Variants in KLHL18 observed in about 807,000 individuals in gnomAD.
KLHL18 encodes the protein kelch-like protein 18.
KLHL18 carries 38 observed loss-of-function variants against 58.5 expected under a neutral mutation model. That is an observed-to-expected ratio of 0.65 (90% CI 0.50 to 0.85). The LOEUF (loss-of-function observed/expected upper bound fraction) is 0.85, where lower values mean the gene tolerates loss of function less well. KLHL18 is among the 40% of genes least tolerant of loss of function. KLHL18 has a pLI of 0.00. For missense variants in KLHL18, 624 were observed against 778.4 expected (o/e 0.80, Z 2.36); for synonymous variants, 303 against 301.9 (o/e 1.00, Z -0.04).
intron 1 of KLHL18, among the ~76,000 whole-genome samples, chr3:47,287,777 G>A (rs139140885): frequency 1.3e-5 from 2 of 152,036 alleles, no homozygotes; most frequent in South Asian, 2.1e-4. Flanking sequence ...CAGCCACCAC[G>A]CCCGGCCAGT....
intron 1 of KLHL18, among the ~76,000 whole-genome samples, chr3:47,293,632 G>A (rs1370929709): frequency 2.0e-5 from 3 of 152,214 alleles, no homozygotes; most frequent in Non-Finnish European, 4.4e-5. Flanking sequence ...TAAATGTCGT[G>A]TAACCTTGAC....
At chr3:47,298,202 A>G (rs1206901725) in intron 1 of KLHL18, among the ~76,000 whole-genome samples, 2 of 152,032 alleles carry the variant, frequency 1.3e-5, no homozygotes, top group African/African-American at 4.8e-5. Context: ...CAACAAAGTG[A>G]GACCCCATCT....
intron 7 of KLHL18, among the ~76,000 whole-genome samples, chr3:47,340,194 CT>C (rs2107663227): frequency 6.6e-6 from 1 of 152,288 alleles, no homozygotes; most frequent in Admixed American, 6.5e-5. Flanking sequence ...ATTGTAACAA[CT>C]GCTGATTAAT....
chr3:47,331,106 G>A (rs1188815039), intron 4 of KLHL18, among the ~76,000 whole-genome samples: 1 of 151,988 alleles, frequency 6.6e-6, no homozygotes, highest in African/African-American at 2.4e-5. Context: ...GGAGGGGTCT[G>A]TGAAATCAAG....
chr3:47,326,447 G>A lies in KLHL18; in HGVS notation c.402-3504G>A, dbSNP rs144927781. ...GGTTGTGATGTGGCTAATGAAAGAC[G>A]TGGGTCTCCATCAACCCTGTAGCTG... On this transcript the variant is annotated intron_variant, in intron 3 of 9. Transcript: ENST00000232766. 8.5e-3 allele frequency among the ~76,000 whole-genome samples: 1,295 copies of A among 152,308 alleles called. 9 individuals are homozygous for A. The highest frequency in any genetic ancestry group is 0.034 in the Middle Eastern group (10 of 294).
intron 1 of KLHL18, among the ~76,000 whole-genome samples, chr3:47,289,587 T>C (rs1702747764): frequency 6.6e-6 from 1 of 152,154 alleles, no homozygotes; most frequent in African/African-American, 2.4e-5. Flanking sequence ...TACAGTGAGT[T>C]ACACAGGGTT....
chr3:47,310,114 C>A (rs952855203), intron 1 of KLHL18, among the ~76,000 whole-genome samples: 31 of 152,186 alleles, frequency 2.0e-4, no homozygotes, highest in African/African-American at 7.5e-4. Flanking sequence ...CTGGGTATAT[C>A]TTTTACTTTC....
intron 1 of KLHL18, among the ~76,000 whole-genome samples, chr3:47,314,479 T>C (rs1030610549): frequency 2.1e-5 from 3 of 142,122 alleles, no homozygotes; most frequent in Non-Finnish European, 4.7e-5. Flanking sequence ...CTTACGCTTA[T>C]TTGTTTTTTG....
At chr3:47,309,969 G>T (rs571169366) in intron 1 of KLHL18, among the ~76,000 whole-genome samples, 2 of 150,988 alleles carry the variant, frequency 1.3e-5, no homozygotes, top group Admixed American at 1.3e-4. Flanking sequence ...CGGCATCAGA[G>T]GGAGACCGTG....
intron 4 of KLHL18, among the ~76,000 whole-genome samples, chr3:47,331,463 C>T (rs527565878): frequency 2.9e-4 from 32 of 110,504 alleles, no homozygotes; most frequent in Non-Finnish European, 4.9e-4. Context: ...GACAGAGTCT[C>T]ACTCTGTCAC....
chr3:47,293,507 G>A (rs1377413862), intron 1 of KLHL18, among the ~76,000 whole-genome samples: 2 of 152,158 alleles, frequency 1.3e-5, no homozygotes, highest in East Asian at 3.8e-4. Context: ...TATTAGTTCA[G>A]CCCTGTAGCT....
chr3:47,321,333 T>G (rs1244552303), intron 2 of KLHL18, among the ~76,000 whole-genome samples: 7 of 150,886 alleles, frequency 4.6e-5, no homozygotes, highest in East Asian at 1.9e-4. Flanking sequence ...GTTTTTTTTT[T>G]TTGTTTTGTT....
At chr3:47,325,355 G>A (rs1219233876) in intron 3 of KLHL18, among the ~76,000 whole-genome samples, 2 of 151,932 alleles carry the variant, frequency 1.3e-5, no homozygotes, top group African/African-American at 2.4e-5. Context: ...CTGCCACCAC[G>A]CCTGGCTAAT....
At chr3:47,325,991 A>G (rs1703710500) in intron 3 of KLHL18, among the ~76,000 whole-genome samples, 1 of 151,820 alleles carries the variant, frequency 6.6e-6, no homozygotes, top group Admixed American at 6.6e-5. Context: ...TCTGTCGCCC[A>G]GGCAGGAATG....
intron 1 of KLHL18, among the ~76,000 whole-genome samples, chr3:47,313,249 AC>A (rs2107616248): frequency 8.0e-6 from 1 of 124,350 alleles, no homozygotes; most frequent in Admixed American, 8.5e-5. Context: ...AAAGGGTCTC[AC>A]TTTGCTGCCC....
At chr3:47,300,409 GTA>G (rs58561941) in intron 1 of KLHL18, among the ~76,000 whole-genome samples, 136,999 of 144,926 alleles carry the variant, frequency 0.95, 65,132 homozygotes, top group Non-Finnish European at 0.99. Flanking sequence ...GTGTGTGTGT[GTA>G]TATATATATA....
intron 7 of KLHL18, among the ~76,000 whole-genome samples, chr3:47,339,991 G>A (rs1428634890): frequency 6.6e-6 from 1 of 152,208 alleles, no homozygotes; most frequent in East Asian, 1.9e-4. Flanking sequence ...TCAAGGCACA[G>A]TGAGCTATGA....
chr3:47,315,812 T>C (rs1455261452), intron 1 of KLHL18, among the ~76,000 whole-genome samples: 2 of 152,238 alleles, frequency 1.3e-5, no homozygotes, highest in Non-Finnish European at 1.5e-5. Context: ...AAAAAAGTTG[T>C]AACTATATAC....
intron 1 of KLHL18, among the ~76,000 whole-genome samples, chr3:47,311,527 C>T (rs905921018): frequency 2.6e-5 from 4 of 151,910 alleles, no homozygotes; most frequent in African/African-American, 9.7e-5. Context: ...CCCGTCTCTA[C>T]TAAAAATACA....
Sources: allele counts gnomAD v4.1 joint callset (sites outside exome capture counted in the v4.1 genomes callset), GRCh38; gene constraint gnomAD v4.1.1; transcripts MANE v1.5; gene names NCBI Gene and HGNC (gene_info 2026-07-23, HGNC 2026-07-21).